Variants in UNC5B observed in about 807,000 individuals in gnomAD.
UNC5B encodes netrin receptor UNC5B.
In UNC5B, 56 loss-of-function variants were observed where a neutral mutation model predicts 103.7. That is an observed-to-expected ratio of 0.54 (90% CI 0.44 to 0.67). UNC5B has a LOEUF of 0.67. Among genes scored for constraint, UNC5B ranks in the 30% least tolerant of loss-of-function variants. The probability of loss-of-function intolerance (pLI) is 0.00; values close to 1 mark genes in which losing one functional copy is unlikely to be tolerated. For missense variants in UNC5B, 1,194 were observed against 1,284.5 expected (o/e 0.93, Z 1.08); for synonymous variants, 577 against 542.0 (o/e 1.06, Z -0.90).
At chr10:71,296,254 C>T (rs1845409611) in intron 14 of UNC5B, among the ~76,000 whole-genome samples, 1 of 152,214 alleles carries the variant, frequency 6.6e-6, no homozygotes, top group Admixed American at 6.5e-5. Flanking sequence ...TCAGGGCATG[C>T]CCTCCTGGCA....
At chr10:71,294,003 C>T in intron 13 of UNC5B, 70 bp downstream of exon 13, 1 of 1,407,792 alleles carries the variant, frequency 7.1e-7, no homozygotes, top group South Asian at 1.4e-5. Context: ...GAATCCCCCA[C>T]CCCAGGCTCA....
chr10:71,291,855 C>G, intron 10 of UNC5B, 34 bp downstream of exon 10: 1 of 1,556,610 alleles, frequency 6.4e-7, no homozygotes, highest in East Asian at 2.2e-5. Context: ...GTCAGCCTGG[C>G]CTTAGCACCT....
intron 1 of UNC5B, among the ~76,000 whole-genome samples, chr10:71,255,665 A>G (rs189124904): frequency 1.4e-4 from 21 of 152,328 alleles, no homozygotes; most frequent in Admixed American, 1.2e-3. Context: ...CTCTTTTAAT[A>G]TCACCCCTGT....
At chr10:71,214,989 A>T (rs973224793) in intron 1 of UNC5B, among the ~76,000 whole-genome samples, 1 of 152,194 alleles carries the variant, frequency 6.6e-6, no homozygotes, top group South Asian at 2.1e-4. Context: ...CCTGCCCACC[A>T]GCCTGGAGAG....
chr10:71,294,589 C>T (rs1440954017), intron 13 of UNC5B, among the ~76,000 whole-genome samples: 2 of 152,008 alleles, frequency 1.3e-5, no homozygotes, highest in African/African-American at 4.8e-5. Flanking sequence ...CCAGGAGAGG[C>T]GGGGCTGGAT....
At chr10:71,229,587 G>T (rs1843641956) in intron 1 of UNC5B, among the ~76,000 whole-genome samples, 1 of 152,200 alleles carries the variant, frequency 6.6e-6, no homozygotes, top group Admixed American at 6.5e-5. Context: ...ACGGCCCACT[G>T]GACCAGAGCG....
chr10:71,284,745 C>A lies in UNC5B; in HGVS notation c.330C>A (p.Ile110=), dbSNP rs930110788. Residue 110 remains isoleucine, a synonymous_variant, in exon 3 of 17, where the codon ATC becomes ATA. Coordinates refer to ENST00000335350, the MANE Select transcript of UNC5B (RefSeq NM_170744.5). ...ATGLRVREVQ[I]EVSRQQVEEL... ...GCCTGCGGGTGCGCGAGGTGCAGAT[C>A]GAGGTGTCGCGGCAGCAGGTGGAGG... 8 of 1,613,692 alleles carry A rather than the reference C, an allele frequency of 5.0e-6. No homozygotes were observed. The South Asian group carries it at 5.5e-5, about 11-fold the overall frequency.
At chr10:71,297,003 G>GT (rs1326626074) in intron 15 of UNC5B, among the ~76,000 whole-genome samples, 3 of 141,728 alleles carry the variant, frequency 2.1e-5, no homozygotes, top group Admixed American at 7.0e-5. Flanking sequence ...TGAGGGAAGG[G>GT]CGGCCAGATA....
At chr10:71,216,371 G>A (rs1843329665) in intron 1 of UNC5B, among the ~76,000 whole-genome samples, 1 of 152,154 alleles carries the variant, frequency 6.6e-6, no homozygotes, top group Non-Finnish European at 1.5e-5. Context: ...GAGTTGGAAG[G>A]GTGAAGAGGT....
At chr10:71,268,190 T>G (rs980400695) in intron 1 of UNC5B, among the ~76,000 whole-genome samples, 1 of 152,200 alleles carries the variant, frequency 6.6e-6, no homozygotes, top group Admixed American at 6.5e-5. Flanking sequence ...ATTCACCCCT[T>G]ACTGCCAGGC....
rs1381499898 is a variant in UNC5B at position 71,291,812 on chromosome 10, C to G, written c.1675C>G (p.Pro559Ala). The part of the protein sequence containing the change: ...FGCLGGRLSI[P>A]GTGVSLLVPN... Reference sequence around the variant, plus strand: ...CTGCCTGGGTGGGAGGCTCAGCATCCCCGGCACAGGTGAGCCCCTGCCCTG... The same window carrying G: ...CTGCCTGGGTGGGAGGCTCAGCATCGCCGGCACAGGTGAGCCCCTGCCCTG... The change falls in exon 10 of 17, where the codon CCC becomes GCC. Residue 559 changes from proline (P) to alanine (A), a missense_variant. Physicochemically the swap from Pro to Ala is conservative, Grantham distance 27. Transcript: ENST00000335350. 2.5e-6 allele frequency: 4 copies of G among 1,596,478 alleles called. No individual in the cohort carries two copies. In the Admixed American group the frequency reaches 5.0e-5, roughly 20 times the overall value.
rs12770025 is a variant in UNC5B, at chr10:71,284,823, G to A, written c.408G>A (p.Ala136=). ...GCCAGTGCGTGGCCTGGAGCTCCGC[G>A]GGCACCACCAAGAGTCGCCGAGCCT... ...YWCQCVAWSS[A]GTTKSRRAYV... The change falls in exon 3 of 17, where the codon GCG becomes GCA. Residue 136 remains alanine, a synonymous_variant. Transcript: ENST00000335350. The A allele has an allele frequency of 0.67, 1,072,892 of 1,612,762 alleles. 363,451 individuals are homozygous for A. The highest frequency in any genetic ancestry group is 0.7 in the Non-Finnish European group (827,300 of 1,179,616).
chr10:71,232,869 C>G (rs1843709359), intron 1 of UNC5B, among the ~76,000 whole-genome samples: 1 of 152,202 alleles, frequency 6.6e-6, no homozygotes, highest in African/African-American at 2.4e-5. Context: ...TCATGCAGTC[C>G]TCCCAACCAC....
chr10:71,243,213 C>T (rs971244293), intron 1 of UNC5B, among the ~76,000 whole-genome samples: 2 of 151,970 alleles, frequency 1.3e-5, no homozygotes, highest in Non-Finnish European at 2.9e-5. Flanking sequence ...CCAGCCTGGG[C>T]GACAGAGGGA....
chr10:71,299,507 G>A lies in UNC5B; in HGVS notation c.*230G>A. ...TCTCCACCCCCGCTCTCTCTCTCTTGGCCTGAGATCTCTGTGCAGGAACCA... is the reference window on the plus strand; with the variant it reads ...TCTCCACCCCCGCTCTCTCTCTCTTAGCCTGAGATCTCTGTGCAGGAACCA... On this transcript the variant is annotated 3_prime_UTR_variant, in exon 17 of 17. Transcript: ENST00000335350. The A allele has an allele frequency of 1.9e-6, 1 of 516,004 alleles. No individual in the cohort carries two copies. The highest frequency in any genetic ancestry group is 2.5e-5 in the South Asian group (1 of 40,126). 32.0% of individuals were successfully genotyped at this position (516,004 alleles called of 1,614,324 possible).
In UNC5B at chr10:71,278,603, T is replaced by C. The variant is rs77673200; in HGVS notation, c.80-1218T>C. Among the ~76,000 whole-genome samples the C allele has an allele frequency of 6.6e-5, 10 of 152,378 alleles. No individual in the cohort carries two copies. The East Asian group carries it at 1.7e-3, about 26-fold the overall frequency. On this transcript the variant is annotated intron_variant, in intron 1 of 16. Coordinates refer to ENST00000335350, the MANE Select transcript of UNC5B (RefSeq NM_170744.5). Reference sequence around the variant, plus strand: ...GACATTCTGTTCTTGGAAAACCAGGTGTCCCCTTGGCCCCTCTGACTGTAG... The same window carrying C: ...GACATTCTGTTCTTGGAAAACCAGGCGTCCCCTTGGCCCCTCTGACTGTAG...
intron 11 of UNC5B, among the ~76,000 whole-genome samples, chr10:71,293,024 AC>A (rs1264106780): frequency 4.6e-5 from 7 of 152,296 alleles, no homozygotes; most frequent in Admixed American, 3.3e-4. Context: ...AAATGATAAT[AC>A]CCTCTTGCTG....
chr10:71,275,775 C>T (rs553888618), intron 1 of UNC5B, among the ~76,000 whole-genome samples: 101 of 152,076 alleles, frequency 6.6e-4, no homozygotes, highest in African/African-American at 2.3e-3. Flanking sequence ...CACAGGGAAG[C>T]TGTGGGATAT....
intron 2 of UNC5B, 26 bp from the exon 3 acceptor site, chr10:71,284,694 C>T (rs1564731215): frequency 6.2e-7 from 1 of 1,611,952 alleles, no homozygotes; most frequent in Non-Finnish European, 8.5e-7. Flanking sequence ...CCCCTGCCCC[C>T]TGACGGCTCT....
Sources: gnomAD v4.1 joint callset for allele counts (sites outside exome capture counted in the v4.1 genomes callset) on GRCh38, gnomAD v4.1.1 for gene constraint, MANE v1.5 for transcripts, NCBI Gene and HGNC (gene_info 2026-07-23, HGNC 2026-07-21) for gene names.